The following SAP30BP variants were observed in gnomAD, a reference collection of about 807,000 sequenced individuals.
The protein encoded by SAP30BP is SAP30 binding protein.
A neutral mutation model predicts 46.3 loss-of-function variants in SAP30BP; 31 were observed. The observed-to-expected ratio is 0.67, with a 90% CI of 0.50 to 0.90. The LOEUF is 0.90. Among genes scored for constraint, SAP30BP ranks in the 40% least tolerant of loss-of-function variants. The pLI is 0.00. For synonymous variants in SAP30BP, 169 were observed against 144.2 expected (o/e 1.17, Z -1.23); for missense variants, 312 against 391.0 (o/e 0.80, Z 1.70).
intron 4 of SAP30BP, among the ~76,000 whole-genome samples, chr17:75,699,305 CA>C (rs1259744538): frequency 3.3e-5 from 5 of 151,778 alleles, no homozygotes; most frequent in African/African-American, 4.8e-5. Flanking sequence ...CGGGTTCAAG[CA>C]ATTCTAGTTC....
intron 3 of SAP30BP, among the ~76,000 whole-genome samples, chr17:75,687,452 C>CA (rs1378294033): frequency 6.6e-6 from 1 of 151,732 alleles, no homozygotes; most frequent in Non-Finnish European, 1.5e-5. Flanking sequence ...CCCATCTCTA[C>CA]AAAAAATTTA....
rs368862268 is a variant in SAP30BP at position 75,706,125 on chromosome 17, A to G, written c.745+33A>G. On this transcript the variant is annotated intron_variant, in intron 10 of 10. Transcript: ENST00000584667. This position sits in a 1 kb window ranked among gnomAD's most constrained non-coding sequence, Gnocchi z 4.6. ...GCAGAGCTGCCCTGCCTCCTGCCAC[A>G]CACATGGAGCCAGGGTCTCCCTGGC... The G allele has an allele frequency of 7.5e-6, 12 of 1,597,614 alleles. No homozygotes were observed. The African/African-American group carries it at 1.6e-4, about 21-fold the overall frequency.
At chr17:75,693,418 C>T (rs781603312) in intron 3 of SAP30BP, 22 bp from the exon 4 acceptor site, 73 of 1,611,682 alleles carry the variant, frequency 4.5e-5, no homozygotes, top group Non-Finnish European at 5.9e-5. Flanking sequence ...CTTACCTCCT[C>T]GTATTTGTTT....
At chr17:75,671,759 T>G in intron 2 of SAP30BP, 57 bp from the exon 3 acceptor site, 3 of 1,400,434 alleles carry the variant, frequency 2.1e-6, no homozygotes, top group Non-Finnish European at 3.0e-6. Flanking sequence ...GTTATGCATG[T>G]GAGACTCCTC....
intron 4 of SAP30BP, among the ~76,000 whole-genome samples, 157 bp downstream of exon 4, chr17:75,693,639 G>A (rs2060272129): frequency 6.6e-6 from 1 of 152,222 alleles, no homozygotes; most frequent in Non-Finnish European, 1.5e-5. Flanking sequence ...TTCCTAGGAT[G>A]CCCGGGTGAG....
chr17:75,668,229 A>T (rs2059836086), intron 1 of SAP30BP: 1 of 326,334 alleles, frequency 3.1e-6, no homozygotes, highest in Non-Finnish European at 5.5e-6. Context: ...AAGTTCTCTG[A>T]TGGTTTCCTA....
intron 9 of SAP30BP, chr17:75,705,626 G>A (rs7208992): frequency 2.5e-5 from 26 of 1,048,346 alleles, no homozygotes; most frequent in African/African-American, 2.0e-4. Context: ...TTGCAGGGAC[G>A]TGTCTGCAGC....
intron 3 of SAP30BP, among the ~76,000 whole-genome samples, chr17:75,674,049 G>A (rs1249073996): frequency 1.3e-5 from 2 of 152,136 alleles, no homozygotes; most frequent in African/African-American, 2.4e-5. Context: ...TGATGGAGAA[G>A]GGTTTAGATA....
chr17:75,678,769 T>G (rs921594390), intron 3 of SAP30BP, among the ~76,000 whole-genome samples: 5 of 152,080 alleles, frequency 3.3e-5, no homozygotes, highest in African/African-American at 7.2e-5. Flanking sequence ...AAGGTAGAGC[T>G]GGAAGACAGA....
intron 3 of SAP30BP, chr17:75,684,822 C>CT (rs2060133136): frequency 6.6e-6 from 1 of 152,236 alleles, no homozygotes; most frequent in Admixed American, 6.6e-5. Flanking sequence ...GAAAGTCACT[C>CT]TTCAATTGTC....
intron 6 of SAP30BP, 31 bp from the exon 7 acceptor site, chr17:75,703,280 T>C: frequency 1.2e-6 from 2 of 1,612,224 alleles, no homozygotes; most frequent in Non-Finnish European, 1.7e-6. Flanking sequence ...CGTGGACTTG[T>C]GCCTGCTCAG....
At chr17:75,688,890 A>G (rs1009823164) in intron 3 of SAP30BP, among the ~76,000 whole-genome samples, 5 of 152,124 alleles carry the variant, frequency 3.3e-5, no homozygotes, top group African/African-American at 1.2e-4. Context: ...TCTCAGTCAC[A>G]GTTGGTTAAG....
At chr17:75,698,000 T>A (rs975816165) in intron 4 of SAP30BP, among the ~76,000 whole-genome samples, 1 of 152,246 alleles carries the variant, frequency 6.6e-6, no homozygotes, top group Non-Finnish European at 1.5e-5. Context: ...TTTTGTTCAT[T>A]CTTTCTCTTC....
At chr17:75,705,192 G>A in intron 9 of SAP30BP, 1 of 257,342 alleles carries the variant, frequency 3.9e-6, no homozygotes, top group South Asian at 4.5e-5. Context: ...CTCCAGAGCT[G>A]CCCTCAGTGG....
At chr17:75,693,567 A>C (rs907634777) in intron 4 of SAP30BP, 85 bp downstream of exon 4, 2 of 1,291,032 alleles carry the variant, frequency 1.5e-6, no homozygotes, top group African/African-American at 2.9e-5. Context: ...CTGCCGCCCC[A>C]CAGGGCTTCT....
At position 75,706,554 on chromosome 17, in the gene SAP30BP, G is replaced by T. The variant is rs764482018; in HGVS notation, c.*33G>T. 1.9e-5 allele frequency: 31 copies of T among 1,596,970 alleles called. No homozygotes were observed. Among genetic ancestry groups the T allele is most frequent in the Non-Finnish European group, 2.6e-5 (30 of 1,166,334 alleles). ...GGCCACCCTAGGACTTGAAAGGACC[G>T]TGCAGCCCAGTGACCACTGCCCAGT... On this transcript the variant is annotated 3_prime_UTR_variant, in exon 11 of 11. Transcript: ENST00000584667. This position sits in a 1 kb window ranked among gnomAD's most constrained non-coding sequence, Gnocchi z 4.6.
At position 75,703,675 on chromosome 17, in the gene SAP30BP, C is replaced by T. The variant is rs2060449879; in HGVS notation, c.550-133C>T. 4.8e-6 allele frequency: 4 copies of T among 832,666 alleles called. No individual in the cohort carries two copies. In the East Asian group the frequency reaches 9.7e-5, roughly 20 times the overall value. 51.6% of individuals were successfully genotyped at this position (832,666 alleles called of 1,614,324 possible). Reference sequence around the variant, plus strand: ...TCAGCACTTGCCAGCCGCCCCTTGGCTAAAGACCAAAGATGACAGCCGAGC... The same window carrying T: ...TCAGCACTTGCCAGCCGCCCCTTGGTTAAAGACCAAAGATGACAGCCGAGC... On this transcript the variant is annotated intron_variant, in intron 7 of 10. Coordinates refer to ENST00000584667, the MANE Select transcript of SAP30BP (RefSeq NM_013260.8).
At position 75,667,456 on chromosome 17, in the gene SAP30BP, C is replaced by A; in HGVS notation, c.84C>A (p.Ile28=). 1 of 1,614,100 alleles carries A rather than the reference C, an allele frequency of 6.2e-7. No individual in the cohort carries two copies. The highest frequency in any genetic ancestry group is 8.5e-7 in the Non-Finnish European group (1 of 1,180,006). Residue 28 remains isoleucine, a synonymous_variant, in exon 1 of 11, where the codon ATC becomes ATA. Transcript: ENST00000584667. ...CCGAGTCTGATGGCGAGGCTGGAAT[C>A]GAGGCGGTGGGCAGCGCGGCTGGTA... The part of the protein sequence containing the change: ...SEPESDGEAG[I]EAVGSAAEEK...
At chr17:75,677,717 A>G in intron 3 of SAP30BP, among the ~76,000 whole-genome samples, 1 of 138,678 alleles carries the variant, frequency 7.2e-6, no homozygotes, top group Non-Finnish European at 1.5e-5. Context: ...TAGTGCTGGG[A>G]TTACAGGCAT....
Sources: allele counts gnomAD v4.1 joint callset (sites outside exome capture counted in the v4.1 genomes callset), GRCh38; gene constraint gnomAD v4.1.1; non-coding constraint Gnocchi (gnomAD v3.1); transcripts MANE v1.5; gene names NCBI Gene and HGNC (gene_info 2026-07-23, HGNC 2026-07-21).